ASB15: variants seen among roughly 807,000 people sequenced by gnomAD.
ASB15 encodes ankyrin repeat and SOCS box protein 15.
ASB15 carries 54 observed loss-of-function variants against 58.0 expected under a neutral mutation model. The observed-to-expected ratio is 0.93, with a 90% CI of 0.75 to 1.17. ASB15 has a LOEUF of 1.17. Ranked by LOEUF, ASB15 falls within the 50% of genes most tolerant of loss-of-function variation. ASB15 has a pLI of 0.00. For missense variants in ASB15, 680 were observed against 707.4 expected (o/e 0.96, Z 0.44); for synonymous variants, 249 against 262.4 (o/e 0.95, Z 0.50).
intron 11 of ASB15, 43 bp downstream of exon 11, chr7:123,630,162 T>G: frequency 7.0e-7 from 1 of 1,430,266 alleles, no homozygotes; most frequent in Non-Finnish European, 9.5e-7. Context: ...AATTAAGAAC[T>G]TATATGGGGG....
At chr7:123,621,801 C>G (rs1197859358) in intron 7 of ASB15, among the ~76,000 whole-genome samples, 1 of 152,146 alleles carries the variant, frequency 6.6e-6, no homozygotes, top group Non-Finnish European at 1.5e-5. Context: ...CTGACACTTA[C>G]TAAAGGTTTT....
At chr7:123,586,108 T>C (rs933314922) in intron 1 of ASB15, among the ~76,000 whole-genome samples, 2 of 151,874 alleles carry the variant, frequency 1.3e-5, no homozygotes, top group African/African-American at 2.4e-5. Context: ...GTGAGGTTGC[T>C]AGATCATATA....
At chr7:123,573,723 T>C (rs1339707261) in intron 1 of ASB15, among the ~76,000 whole-genome samples, 1 of 152,138 alleles carries the variant, frequency 6.6e-6, no homozygotes, top group East Asian at 1.9e-4. Context: ...GGAGTAAATT[T>C]GGTTCCCATT....
upstream of ASB15, among the ~76,000 whole-genome samples, chr7:123,597,935 T>C (rs1374447762): frequency 6.6e-6 from 1 of 151,488 alleles, no homozygotes; most frequent in Non-Finnish European, 1.5e-5. Context: ...TGTGTGTGTG[T>C]GTGTGTGTGT....
chr7:123,623,957 A>G (rs1801569364), intron 7 of ASB15, among the ~76,000 whole-genome samples: 1 of 125,284 alleles, frequency 8.0e-6, no homozygotes, highest in Non-Finnish European at 1.8e-5. Flanking sequence ...GAAAGAAAGA[A>G]AGAAAGAAAG....
intron 11 of ASB15, among the ~76,000 whole-genome samples, chr7:123,631,023 C>A (rs1802088847): frequency 6.6e-6 from 1 of 152,106 alleles, no homozygotes; most frequent in African/African-American, 2.4e-5. Flanking sequence ...TCTGGCCTTG[C>A]CTAGGAGTAG....
chr7:123,620,930 T>A (rs1418095982), intron 7 of ASB15, among the ~76,000 whole-genome samples: 1 of 151,984 alleles, frequency 6.6e-6, no homozygotes, highest in Non-Finnish European at 1.5e-5. Flanking sequence ...CCTGTGTTGT[T>A]TCTATAGATC....
At chr7:123,599,612 T>C (rs1054883771), upstream of ASB15, among the ~76,000 whole-genome samples, 7 of 152,218 alleles carry the variant, frequency 4.6e-5, no homozygotes, top group Non-Finnish European at 8.8e-5. Flanking sequence ...TCACAAACAA[T>C]GCTACCTAAA....
At chr7:123,571,285 G>T (rs955666437) in intron 1 of ASB15, among the ~76,000 whole-genome samples, 28 of 152,252 alleles carry the variant, frequency 1.8e-4, no homozygotes, top group African/African-American at 6.7e-4. Flanking sequence ...GTATTAAGTT[G>T]TTCTTCATTT....
upstream of ASB15, among the ~76,000 whole-genome samples, chr7:123,597,917 C>CGTGTGTGTGTGTATGTGTGTGTGT (rs780183019): frequency 7.5e-6 from 1 of 132,974 alleles, no homozygotes; most frequent in African/African-American, 2.9e-5. Flanking sequence ...TTTCAAACTT[C>CGTGTGTGTGTGTATGTGTGTGTGT]GTGTGTGTGT....
chr7:123,586,594 T>G (rs1198221296), intron 1 of ASB15, among the ~76,000 whole-genome samples: 2 of 151,842 alleles, frequency 1.3e-5, no homozygotes, highest in African/African-American at 2.4e-5. Context: ...TTTTATTGCC[T>G]GTCCTTTTGG....
chr7:123,622,319 AAC>A (rs1801383658), intron 7 of ASB15, among the ~76,000 whole-genome samples: 1 of 152,044 alleles, frequency 6.6e-6, no homozygotes, highest in African/African-American at 2.4e-5. Flanking sequence ...CCACATGTAA[AAC>A]AAGACATTTT....
intron 11 of ASB15, among the ~76,000 whole-genome samples, chr7:123,634,295 T>C (rs924256795): frequency 6.6e-5 from 10 of 151,768 alleles, no homozygotes; most frequent in Non-Finnish European, 1.3e-4. Context: ...AGTGAGAACA[T>C]GCAGTGTTTG....
In ASB15 at chr7:123,629,973, A is replaced by G. The variant is rs544477767; in HGVS notation, c.1448A>G (p.Glu483Gly). The change falls in exon 11 of 12, where the codon GAG becomes GGG. Residue 483 changes from glutamate (E) to glycine (G), a missense_variant. Coordinates refer to ENST00000451215, the MANE Select transcript of ASB15 (RefSeq NM_001290258.2). ...TTTTATCAATTCTCTCAGTTCTGTG[A>G]GTTTATTACAGTTCCTTGGATGAAG... ...SCVIKDNPFC[E>G]FITVPWMKHL... The G allele has an allele frequency of 3.2e-4, 501 of 1,574,002 alleles. 4 individuals carry two copies. The South Asian group carries it at 5.7e-3, about 18-fold the overall frequency.
chr7:123,591,062 T>C (rs1384821557), intron 1 of ASB15, among the ~76,000 whole-genome samples: 2 of 152,194 alleles, frequency 1.3e-5, no homozygotes, highest in East Asian at 1.9e-4. Flanking sequence ...TTTGTAGTAA[T>C]TGTAAATGGG....
intron 1 of ASB15, among the ~76,000 whole-genome samples, chr7:123,578,871 A>G (rs1032076170): frequency 2.0e-5 from 3 of 152,136 alleles, no homozygotes; most frequent in African/African-American, 4.8e-5. Flanking sequence ...CTTCATTAAC[A>G]TAAACCTATG....
At chr7:123,601,735 A>G (rs1026793334), upstream of ASB15, 5 of 152,096 alleles carry the variant, frequency 3.3e-5, no homozygotes, top group African/African-American at 9.7e-5. Context: ...GTCATGGGTA[A>G]TACTTTACCG....
At chr7:123,632,056 C>T (rs532940617) in intron 11 of ASB15, among the ~76,000 whole-genome samples, 2 of 151,708 alleles carry the variant, frequency 1.3e-5, no homozygotes, top group Admixed American at 6.6e-5. Context: ...CCAGCCTGGG[C>T]GACAGAGCGA....
chr7:123,582,786 A>C (rs1240374876), intron 1 of ASB15, among the ~76,000 whole-genome samples: 1 of 152,002 alleles, frequency 6.6e-6, no homozygotes, highest in Non-Finnish European at 1.5e-5. Flanking sequence ...CCACTGACTG[A>C]GAGTAAGAAC....
Sources: gnomAD v4.1 joint callset for allele counts (sites outside exome capture counted in the v4.1 genomes callset) on GRCh38, gnomAD v4.1.1 for gene constraint, MANE v1.5 for transcripts, NCBI Gene and HGNC (gene_info 2026-07-23, HGNC 2026-07-21) for gene names.